Variants in CELF3 observed in about 807,000 individuals in gnomAD.
CELF3 encodes CAG repeat domain.
A neutral mutation model predicts 59.6 loss-of-function variants in CELF3; 26 were observed. The observed-to-expected ratio is 0.44, with a 90% confidence interval of 0.32 to 0.61. The LOEUF is 0.61. CELF3 is among the 20% of genes least tolerant of loss of function. The pLI is 0.06. For synonymous variants in CELF3, 245 were observed against 250.7 expected (o/e 0.98, Z 0.22); for missense variants, 387 against 627.2 (o/e 0.62, Z 4.09).
rs1672088207 is a variant in CELF3 at position 151,701,749 on chromosome 1, A to C, written c.*1710T>G. On this transcript the variant is annotated 3_prime_UTR_variant, in exon 13 of 13. Transcript: ENST00000290583. ...GGCAACATAGCAAGACCCTGTCTAC[A>C]AAAAAAAACACCATTTTTAAAAATG... Among the ~76,000 whole-genome samples the C allele has an allele frequency of 6.6e-6, 1 of 150,920 alleles. No homozygotes were observed. Among genetic ancestry groups the C allele is most frequent in the Non-Finnish European group, 1.5e-5 (1 of 67,594 alleles).
Position 151,716,335 on chromosome 1 carries a change from G to T in CELF3, c.-315C>A, listed in dbSNP as rs1237538239. 2 of 350,222 alleles carry T rather than the reference G, an allele frequency of 5.7e-6. No individual in the cohort carries two copies. The highest frequency in any genetic ancestry group is 1.1e-5 in the Non-Finnish European group (2 of 189,306). 21.7% of individuals were successfully genotyped at this position (350,222 alleles called of 1,614,324 possible). On this transcript the variant is annotated 5_prime_UTR_variant, in exon 1 of 13. Coordinates refer to ENST00000290583, the MANE Select transcript of CELF3 (RefSeq NM_007185.7). ...GGTGAGTATGGCCAAGACCTGGAGG[G>T]TTAGGTGGTAGCCGGGGGTGCTAGG...
chr1:151,711,526 C>T (rs1458101992), intron 2 of CELF3, among the ~76,000 whole-genome samples: 1 of 151,646 alleles, frequency 6.6e-6, no homozygotes, highest in South Asian at 2.1e-4. Context: ...AGCCAATCTG[C>T]CCCCAGCTTT....
chr1:151,706,576 C>A, intron 9 of CELF3, 93 bp downstream of exon 9: 1 of 1,375,510 alleles, frequency 7.3e-7, no homozygotes, highest in Non-Finnish European at 1.0e-6. Flanking sequence ...GGGTGATTGG[C>A]AGGGAGCCAA....
At chr1:151,714,463 A>G (rs1340012200) in intron 2 of CELF3, 131 bp downstream of exon 2, 1 of 736,736 alleles carries the variant, frequency 1.4e-6, no homozygotes, top group Non-Finnish European at 2.5e-6. Flanking sequence ...GATGGATGCT[A>G]CAGAGAGAGA....
Position 151,702,177 on chromosome 1 carries a change from T to G in CELF3, c.*1282A>C, listed in dbSNP as rs1252204404. Among the ~76,000 whole-genome samples the G allele has an allele frequency of 6.6e-6, 1 of 152,092 alleles. No homozygotes were observed. The highest frequency in any genetic ancestry group is 1.5e-5 in the Non-Finnish European group (1 of 68,014). On this transcript the variant is annotated 3_prime_UTR_variant, in exon 13 of 13. Transcript: ENST00000290583. ...AGGGGAGAGCCCCCGACAGGGGAGA[T>G]CTCCTTGTGCCGAACTCTGCAGGAC...
In CELF3 at chr1:151,705,527, AACCG is replaced by A. The variant is rs1235526208; in HGVS notation, c.1270+291_1270+294del. On this transcript the variant is annotated intron_variant, in intron 11 of 12. Coordinates refer to ENST00000290583, the MANE Select transcript of CELF3 (RefSeq NM_007185.7). The surrounding 1 kb of genome is among the most constrained non-coding windows in gnomAD (Gnocchi z 5.1). ...CTTTCAAAGATGTGAAGGCAGCTAA[AACCG>A]ACTCCCCAAGCCCACCTTTTGCAAA... is the stretch of plus-strand genomic sequence containing the variant. Among the ~76,000 whole-genome samples the A allele has an allele frequency of 6.6e-6, 1 of 152,176 alleles. No individual in the cohort carries two copies. Among genetic ancestry groups the A allele is most frequent in the Admixed American group, 6.5e-5 (1 of 15,280 alleles).
chr1:151,715,708 A>C, intron 1 of CELF3, 168 bp downstream of exon 1: 1 of 1,553,552 alleles, frequency 6.4e-7, no homozygotes, highest in Non-Finnish European at 8.6e-7. Flanking sequence ...GGGTTTCCTG[A>C]TCACTCTAGC....
At chr1:151,710,445 G>A in intron 2 of CELF3, 1 of 320,608 alleles carries the variant, frequency 3.1e-6, no homozygotes, top group Non-Finnish European at 6.2e-6. Flanking sequence ...CACTTCTGCT[G>A]CTCCACACAC....
At position 151,715,977 on chromosome 1, in the gene CELF3, G is replaced by C; in HGVS notation, c.44C>G (p.Pro15Arg). ...DAIKLFVGQIPRHLEEKDLKP... is the reference protein window; with the variant it reads ...DAIKLFVGQIRRHLEEKDLKP... ...CAGGTCCTTCTCCTCCAGATGCCTC[G>C]GGATCTGCCCCACAAACAGCTTGAT... The change falls in exon 1 of 13, where the codon CCG (proline) becomes CGG (arginine). Residue 15 changes from proline to arginine, a missense_variant. Physicochemically the swap from Pro to Arg is moderately radical, Grantham distance 103 (BLOSUM62 -2). This residue lies in a region of CELF3 where 208 missense variants were observed against 354.8 expected (regional missense o/e 0.59). Coordinates refer to ENST00000290583, the MANE Select transcript of CELF3 (RefSeq NM_007185.7). The C allele has an allele frequency of 6.2e-7, 1 of 1,614,096 alleles. No homozygotes were observed. The highest frequency in any genetic ancestry group is 8.5e-7 in the Non-Finnish European group (1 of 1,179,976).
chr1:151,703,905 C>A (rs1672293767), intron 12 of CELF3, among the ~76,000 whole-genome samples: 1 of 152,088 alleles, frequency 6.6e-6, no homozygotes, highest in African/African-American at 2.4e-5. Context: ...GGTGAGACCA[C>A]CCCCGGCCCC....
chr1:151,707,191 C>T lies in CELF3; in HGVS notation c.876G>A (p.Gln292=), dbSNP rs1048867742. 6.5e-7 allele frequency: 1 copy of T among 1,527,180 alleles called. No homozygotes were observed. The highest frequency in any genetic ancestry group is 1.4e-5 in the African/African-American group (1 of 71,332). 94.6% of individuals were successfully genotyped at this position (1,527,180 alleles called of 1,614,324 possible). Residue 292 remains glutamine, a synonymous_variant, in exon 8 of 13, where the codon CAG becomes CAA. Coordinates refer to ENST00000290583, the MANE Select transcript of CELF3 (RefSeq NM_007185.7). ...YSPVPTQPTG[Q]PAPDALYPNG... ...TGGGATACAGAGCATCAGGGGCAGG[C>T]TGCCCAGTGGGCTGGGTGGGCACCG...
In CELF3 at chr1:151,706,370, G is replaced by A. The variant is rs1672538531; in HGVS notation, c.989-9C>T. ...GGCTGCTGGGTAGGCTGCTGGGGTG[G>A]GGAGAAGAGAGAGGCTGATGGGGCT... is the stretch of plus-strand genomic sequence containing the variant. On this transcript the variant is annotated splice_polypyrimidine_tract_variant and intron_variant, in intron 9 of 12. Transcript: ENST00000290583. 1 of 1,542,388 alleles carries A rather than the reference G, an allele frequency of 6.5e-7. No individual in the cohort carries two copies. The highest frequency in any genetic ancestry group is 1.4e-5 in the African/African-American group (1 of 73,026).
At chr1:151,714,558 T>G in intron 2 of CELF3, 36 bp downstream of exon 2, 1 of 1,507,224 alleles carries the variant, frequency 6.6e-7, no homozygotes, top group Non-Finnish European at 9.0e-7. Context: ...CTATGGCCCT[T>G]CTCAGTCCCC....
chr1:151,715,575 G>GTC (rs1558113005), intron 1 of CELF3: 1 of 1,371,092 alleles, frequency 7.3e-7, no homozygotes, highest in Admixed American at 2.2e-5. Flanking sequence ...CAGCTCTCTT[G>GTC]TCCCTCCATT....
chr1:151,706,501 AC>A, intron 9 of CELF3, 140 bp from the exon 10 acceptor site: 1 of 1,173,702 alleles, frequency 8.5e-7, no homozygotes. Context: ...GCTGCCTCAG[AC>A]CCCTGGGTGT....
intron 12 of CELF3, among the ~76,000 whole-genome samples, chr1:151,703,684 A>T (rs972652231): frequency 6.6e-6 from 1 of 152,128 alleles, no homozygotes; most frequent in Admixed American, 6.5e-5. Flanking sequence ...ACCAAACGGT[A>T]TTAGGAAGGA....
At position 151,705,747 on chromosome 1, in the gene CELF3, A is replaced by G. The variant is rs1293075681; in HGVS notation, c.1270+75T>C. 78 of 1,513,048 alleles carry G rather than the reference A, an allele frequency of 5.2e-5. No homozygotes were observed. The highest frequency in any genetic ancestry group is 1.7e-4 in the Middle Eastern group (1 of 5,754). 93.7% of individuals were successfully genotyped at this position (1,513,048 alleles called of 1,614,324 possible). A position where few individuals can be genotyped will look rare whatever the true frequency, so the allele number is the denominator to read the frequency against. On this transcript the variant is annotated intron_variant, in intron 11 of 12. Coordinates refer to ENST00000290583, the MANE Select transcript of CELF3 (RefSeq NM_007185.7). This position sits in a 1 kb window ranked among gnomAD's most constrained non-coding sequence, Gnocchi z 5.1. ...TTCAAATACTGGGTCCACTGTGACC[A>G]TAAATGCCTTCAAATATATTAGACC... is the stretch of plus-strand genomic sequence containing the variant.
In CELF3 at chr1:151,709,151, C is replaced by T. The variant is rs149134024; in HGVS notation, c.406+69G>A. On this transcript the variant is annotated intron_variant, in intron 4 of 12. Transcript: ENST00000290583. This position sits in a 1 kb window ranked among gnomAD's most constrained non-coding sequence, Gnocchi z 4.9. ...GGGACCCCGCGGTGGAACCCGATGC[C>T]TAGGGAGTCTTGGGGGTGGAACAGG... 3.4e-4 allele frequency: 544 copies of T among 1,606,240 alleles called. 11 individuals carry two copies. In the East Asian group the frequency reaches 0.012, roughly 36 times the overall value.
At chr1:151,708,434 G>C (rs1200351241) in intron 5 of CELF3, 1 of 175,796 alleles carries the variant, frequency 5.7e-6, no homozygotes, top group African/African-American at 2.4e-5. Flanking sequence ...GAATCTCAAA[G>C]CTGGAAGGGG....
Sources: gnomAD v4.1 joint callset for allele counts (sites outside exome capture counted in the v4.1 genomes callset) on GRCh38, gnomAD v4.1.1 for gene constraint, gnomAD v4.1.1 regional missense constraint, Gnocchi (gnomAD v3.1) non-coding constraint, MANE v1.5 for transcripts, NCBI Gene and HGNC (gene_info 2026-07-23, HGNC 2026-07-21) for gene names.